Variants in TENM2 observed in about 807,000 individuals in gnomAD.
TENM2 encodes teneurin transmembrane protein 2.
A neutral mutation model predicts 245.2 loss-of-function variants in TENM2; 52 were observed. The observed-to-expected ratio is 0.21, with a 90% CI of 0.17 to 0.27. The LOEUF (loss-of-function observed/expected upper bound fraction) is 0.27. Among genes scored for constraint, TENM2 ranks in the 10% least tolerant of loss-of-function variants. The probability of loss-of-function intolerance (pLI) is 1.00; values close to 1 mark genes in which losing one functional copy is unlikely to be tolerated. For synonymous variants in TENM2, 1,363 were observed against 1,438.9 expected (o/e 0.95, Z 1.19); for missense variants, 3,046 against 3,666.8 (o/e 0.83, Z 4.37).
At chr5:167,956,594 T>C (rs953764150) in intron 4 of TENM2, among the ~76,000 whole-genome samples, 5 of 152,204 alleles carry the variant, frequency 3.3e-5, no homozygotes, top group African/African-American at 1.2e-4. Context: ...TTCAGTGTGA[T>C]ATTGGCTGTG....
At chr5:167,132,536 A>T in the TENM2 span, among the ~76,000 whole-genome samples, 16 of 152,234 alleles carry the variant, frequency 1.1e-4, no homozygotes, top group African/African-American at 3.4e-4. Context: ...TAGAATGGCC[A>T]GGCATGTTAC....
intron 2 of TENM2, among the ~76,000 whole-genome samples, chr5:167,792,277 G>T (rs1270495391): frequency 6.6e-6 from 1 of 151,950 alleles, no homozygotes. Context: ...TTATGGCCAT[G>T]ATGTTGTCAT....
At chr5:168,109,505 C>A (rs1304032576) in intron 9 of TENM2, among the ~76,000 whole-genome samples, 1 of 152,196 alleles carries the variant, frequency 6.6e-6, no homozygotes, top group African/African-American at 2.4e-5. Context: ...TATGTTCTTA[C>A]CCACTGGATT....
At position 168,080,856 on chromosome 5, in the gene TENM2, C is replaced by T. The variant is rs185253229; in HGVS notation, c.1516-9718C>T. Among the ~76,000 whole-genome samples, 211 of 152,070 alleles carry T rather than the reference C, an allele frequency of 1.4e-3. 1 individual carries two copies. The highest frequency in any genetic ancestry group is 2.2e-3 in the Non-Finnish European group (150 of 67,956). ...GAGGAGTGCTTTAATTCCAACTATG[C>T]GGTCAATTTTGGAATAAGTGTGATG... is the stretch of plus-strand genomic sequence containing the variant. On this transcript the variant is annotated intron_variant, in intron 7 of 28. Transcript: ENST00000518659.
intron 25 of TENM2, among the ~76,000 whole-genome samples, chr5:168,232,865 A>G (rs995304360): frequency 6.6e-6 from 1 of 152,196 alleles, no homozygotes; most frequent in Non-Finnish European, 1.5e-5. Context: ...TCCTTTCACC[A>G]AAAGCTTTGT....
At chr5:167,109,243 TAAGTA>T in the TENM2 span, among the ~76,000 whole-genome samples, 4,533 of 151,658 alleles carry the variant, frequency 0.03, 79 homozygotes, top group Non-Finnish European at 0.042. Flanking sequence ...TTTTTTTTTT[TAAGTA>T]AAGAGGACAG....
chr5:167,876,261 A>G (rs577778594), intron 3 of TENM2, 66 bp downstream of exon 5: 4 of 1,336,968 alleles, frequency 3.0e-6, no homozygotes, highest in Admixed American at 4.0e-5. Flanking sequence ...TTCTCCACCA[A>G]AATGACAATG....
At chr5:167,720,315 T>C (rs1015821317) in intron 2 of TENM2, among the ~76,000 whole-genome samples, 1 of 152,084 alleles carries the variant, frequency 6.6e-6, no homozygotes, top group African/African-American at 2.4e-5. Flanking sequence ...GCCATGCATA[T>C]GAAAAAAATA....
chr5:167,320,706 A>G (rs533210820), intron 1 of TENM2, among the ~76,000 whole-genome samples: 126 of 152,276 alleles, frequency 8.3e-4, no homozygotes, highest in Middle Eastern at 6.8e-3. Flanking sequence ...CAACATGTTG[A>G]TGACACAGCA....
the TENM2 span, among the ~76,000 whole-genome samples, chr5:167,027,488 T>A: frequency 6.6e-6 from 1 of 152,198 alleles, no homozygotes; most frequent in Non-Finnish European, 1.5e-5. Flanking sequence ...ATCATAAGGA[T>A]AATACTGCTA....
intron 2 of TENM2, among the ~76,000 whole-genome samples, chr5:167,477,021 T>C (rs1767429368): frequency 6.6e-6 from 1 of 152,094 alleles, no homozygotes; most frequent in African/African-American, 2.4e-5. Flanking sequence ...TAATGTTCCA[T>C]AAAAAAAGTG....
chr5:167,341,912 A>G (rs1758123620), intron 1 of TENM2, among the ~76,000 whole-genome samples: 1 of 152,082 alleles, frequency 6.6e-6, no homozygotes, highest in African/African-American at 2.4e-5. Flanking sequence ...AAATACTCAT[A>G]ATTTTTCTCT....
the TENM2 span, among the ~76,000 whole-genome samples, chr5:167,194,044 C>A: frequency 2.6e-5 from 4 of 151,974 alleles, no homozygotes; most frequent in East Asian, 7.7e-4. Flanking sequence ...CACATGGCAT[C>A]TCTAGATAAG....
At chr5:167,791,603 G>C (rs575853234) in intron 2 of TENM2, among the ~76,000 whole-genome samples, 1 of 149,280 alleles carries the variant, frequency 6.7e-6, no homozygotes, top group East Asian at 2.0e-4. Flanking sequence ...GTAATACACA[G>C]GAAAAACAAT....
intron 2 of TENM2, among the ~76,000 whole-genome samples, chr5:167,562,426 T>C (rs1323988160): frequency 6.6e-6 from 1 of 151,504 alleles, no homozygotes; most frequent in African/African-American, 2.4e-5. Flanking sequence ...AGGAGGAAAA[T>C]GGATGGTTTC....
At chr5:168,225,924 C>T (rs562828098) in intron 23 of TENM2, among the ~76,000 whole-genome samples, 164 bp from the exon 26 acceptor site, 3 of 152,172 alleles carry the variant, frequency 2.0e-5, no homozygotes, top group African/African-American at 4.8e-5. Context: ...GCTGTTTCTC[C>T]GGGCATAATA....
chr5:167,994,123 T>TGTTA (rs146822672), intron 5 of TENM2, among the ~76,000 whole-genome samples: 4,645 of 152,318 alleles, frequency 0.03, 233 homozygotes, highest in African/African-American at 0.1. Context: ...TGGTGATGTT[T>TGTTA]GTTAAAGTTT....
the TENM2 span, among the ~76,000 whole-genome samples, chr5:167,204,404 A>C: frequency 6.6e-6 from 1 of 152,200 alleles, no homozygotes; most frequent in African/African-American, 2.4e-5. Flanking sequence ...GTGGAGCAAG[A>C]AGGACCAGAG....
intron 23 of TENM2, 37 bp from the exon 26 acceptor site, chr5:168,226,051 C>T: frequency 6.3e-7 from 1 of 1,586,064 alleles, no homozygotes; most frequent in Non-Finnish European, 8.6e-7. Context: ...ATGACTGCTG[C>T]TAACCAGGGT....
Sources: allele counts gnomAD v4.1 joint callset (sites outside exome capture counted in the v4.1 genomes callset), GRCh38; gene constraint gnomAD v4.1.1; transcripts MANE v1.5; gene names NCBI Gene and HGNC (gene_info 2026-07-23, HGNC 2026-07-21).